SLC12A6: variants seen among roughly 807,000 people sequenced by gnomAD.
SLC12A6 encodes K-Cl cotransporter 3.
In SLC12A6, 66 loss-of-function variants were observed where a neutral mutation model predicts 135.3. The ratio of observed to expected loss-of-function variants is 0.49; its 90% CI spans 0.40 to 0.60. The LOEUF (loss-of-function observed/expected upper bound fraction) is 0.60, where lower values mean the gene tolerates loss of function less well. SLC12A6 is among the 20% of genes least tolerant of loss of function. SLC12A6 has a pLI of 0.00. For synonymous variants in SLC12A6, 513 were observed against 508.8 expected (o/e 1.01, Z -0.11); for missense variants, 1,058 against 1,452.3 (o/e 0.73, Z 4.41).
intron 3 of SLC12A6, among the ~76,000 whole-genome samples, chr15:34,272,713 T>C (rs1894048360): frequency 6.6e-6 from 1 of 152,240 alleles, no homozygotes; most frequent in Non-Finnish European, 1.5e-5. Flanking sequence ...CAAAGTTACT[T>C]ATTTTTGCCT....
chr15:34,309,724 T>C (rs929013020), intron 2 of SLC12A6, among the ~76,000 whole-genome samples: 12 of 152,172 alleles, frequency 7.9e-5, no homozygotes, highest in African/African-American at 2.9e-4. Context: ...GGTATTAGTC[T>C]TTCTGACAAT....
chr15:34,319,635 C>T (rs925552866), intron 2 of SLC12A6, among the ~76,000 whole-genome samples: 1 of 151,616 alleles, frequency 6.6e-6, no homozygotes, highest in Non-Finnish European at 1.5e-5. Context: ...CCTATCTCTA[C>T]TAAAAATACA....
chr15:34,311,819 A>G (rs1206424947), intron 2 of SLC12A6, among the ~76,000 whole-genome samples: 2 of 152,058 alleles, frequency 1.3e-5, no homozygotes, highest in African/African-American at 4.8e-5. Flanking sequence ...TTTATTTCCC[A>G]TGTGCTATAC....
chr15:34,285,280 G>A (rs1044542601), intron 2 of SLC12A6, among the ~76,000 whole-genome samples: 1 of 152,174 alleles, frequency 6.6e-6, no homozygotes, highest in Non-Finnish European at 1.5e-5. Context: ...AAATACTAGA[G>A]GTAATGAGAA....
At chr15:34,255,138 T>G (rs929192504) in intron 8 of SLC12A6, 124 bp downstream of exon 8, 1 of 829,750 alleles carries the variant, frequency 1.2e-6, no homozygotes, top group Non-Finnish European at 2.1e-6. Flanking sequence ...AGAGGCCAAC[T>G]GACGTTGGCA....
intron 1 of SLC12A6, chr15:34,337,047 C>A (rs889398196): frequency 2.4e-5 from 8 of 336,324 alleles, no homozygotes; most frequent in African/African-American, 6.5e-5. Flanking sequence ...GATGAAGCCT[C>A]CCTCCCCTCA....
intron 2 of SLC12A6, among the ~76,000 whole-genome samples, chr15:34,324,934 AAAAT>A (rs1407905155): frequency 7.2e-5 from 11 of 152,298 alleles, no homozygotes; most frequent in Middle Eastern, 3.4e-3. Flanking sequence ...CTAGAAAAAT[AAAAT>A]AAATATATAT....
Position 34,273,879 on chromosome 15 carries a change from C to A in SLC12A6, c.316+1466G>T, listed in dbSNP as rs75339074. On this transcript the variant is annotated intron_variant, in intron 3 of 25. Coordinates refer to ENST00000354181, the MANE Select transcript of SLC12A6 (RefSeq NM_001365088.1). ...AGAAACTATTTTAAGATTAATAATA[C>A]CTGTTTTTTTTTTTATTATAGAGAG... 6.5e-3 allele frequency among the ~76,000 whole-genome samples: 981 copies of A among 151,526 alleles called. 13 individuals carry two copies. Among genetic ancestry groups the A allele is most frequent in the African/African-American group, 0.023 (944 of 41,224 alleles).
chr15:34,329,182 A>AAGCC lies in SLC12A6; in HGVS notation c.271+7224_271+7227dup, dbSNP rs113644453. Among the ~76,000 whole-genome samples the AAGCC allele has an allele frequency of 4.1e-3, 623 of 152,364 alleles. 6 individuals carry two copies. Among genetic ancestry groups the AAGCC allele is most frequent in the African/African-American group, 0.014 (592 of 41,586 alleles). ...TGTGTAGACAGTGCACGAGGGCATTAAGCCAGAAGGGCAAGGGGAAGAGGG... is the reference window on the plus strand; with the variant it reads ...TGTGTAGACAGTGCACGAGGGCATTAAGCCAGCCAGAAGGGCAAGGGGAAGAGGG... On this transcript the variant is annotated intron_variant, in intron 2 of 25. Coordinates refer to ENST00000354181, the MANE Select transcript of SLC12A6 (RefSeq NM_001365088.1).
intron 2 of SLC12A6, among the ~76,000 whole-genome samples, chr15:34,297,872 G>C (rs1196622328): frequency 6.6e-6 from 1 of 152,092 alleles, no homozygotes; most frequent in Non-Finnish European, 1.5e-5. Flanking sequence ...TTTAGGCAAG[G>C]AAACATGAGT....
intron 24 of SLC12A6, among the ~76,000 whole-genome samples, chr15:34,235,685 G>A (rs538450722): frequency 6.6e-6 from 1 of 152,208 alleles, no homozygotes; most frequent in Admixed American, 6.5e-5. Flanking sequence ...TGATCCACCC[G>A]CCTCTGCCTC....
intron 2 of SLC12A6, 44 bp downstream of exon 2, chr15:34,336,366 G>A (rs1202398723): frequency 6.7e-7 from 1 of 1,498,806 alleles, no homozygotes; most frequent in Non-Finnish European, 9.3e-7. Context: ...CTTGGATAAA[G>A]AACCCAGTAA....
At chr15:34,241,805 C>T (rs568871314) in intron 17 of SLC12A6, among the ~76,000 whole-genome samples, 2 of 152,232 alleles carry the variant, frequency 1.3e-5, no homozygotes, top group East Asian at 3.9e-4. Context: ...GAGACAACCC[C>T]TTGACTGAAG....
intron 2 of SLC12A6, among the ~76,000 whole-genome samples, chr15:34,330,038 T>C (rs1393648888): frequency 6.6e-6 from 1 of 152,214 alleles, no homozygotes; most frequent in Non-Finnish European, 1.5e-5. Flanking sequence ...CATAAACATC[T>C]ATAAGAAAAT....
intron 2 of SLC12A6, among the ~76,000 whole-genome samples, chr15:34,279,725 T>C (rs1013753745): frequency 3.3e-5 from 5 of 152,222 alleles, no homozygotes; most frequent in African/African-American, 1.2e-4. Flanking sequence ...TTTTACCCCA[T>C]GATGGTCTTC....
intron 2 of SLC12A6, among the ~76,000 whole-genome samples, chr15:34,335,862 T>C (rs1890162762): frequency 6.6e-6 from 1 of 152,218 alleles, no homozygotes; most frequent in South Asian, 2.1e-4. Context: ...ACATTAGGTC[T>C]ACCCACCATC....
At chr15:34,280,477 C>T (rs988742544) in intron 2 of SLC12A6, among the ~76,000 whole-genome samples, 2 of 152,142 alleles carry the variant, frequency 1.3e-5, no homozygotes, top group African/African-American at 4.8e-5. Flanking sequence ...TTTCTTAACT[C>T]CCAGTTTTTA....
intron 2 of SLC12A6, among the ~76,000 whole-genome samples, chr15:34,285,560 C>A (rs1345333136): frequency 1.3e-5 from 2 of 150,780 alleles, no homozygotes; most frequent in African/African-American, 2.4e-5. Context: ...TAGTGGAAAA[C>A]CAGTGGGATG....
chr15:34,274,053 A>G (rs1433123236), intron 3 of SLC12A6, among the ~76,000 whole-genome samples: 1 of 152,206 alleles, frequency 6.6e-6, no homozygotes, highest in Non-Finnish European at 1.5e-5. Context: ...TATACTGGAT[A>G]TAAGTATAAG....
Sources: gnomAD v4.1 joint callset for allele counts (sites outside exome capture counted in the v4.1 genomes callset) on GRCh38, gnomAD v4.1.1 for gene constraint, MANE v1.5 for transcripts, NCBI Gene and HGNC (gene_info 2026-07-23, HGNC 2026-07-21) for gene names.